The following NAALADL2 variants were observed in gnomAD, a reference collection of about 807,000 sequenced individuals.
The protein encoded by NAALADL2 is N-acetylated alpha-linked acidic dipeptidase like 2, also known as inactive N-acetylated-alpha-linked acidic dipeptidase-like protein 2.
Under a neutral mutation model 87.2 loss-of-function variants are expected in NAALADL2, and 76 were observed. The ratio of observed to expected loss-of-function variants is 0.87; its 90% CI spans 0.72 to 1.05. The LOEUF is 1.05. Among genes scored for constraint, NAALADL2 ranks in the 50% least tolerant of loss-of-function variants. The pLI, the probability that NAALADL2 is intolerant of heterozygous loss-of-function variation, is 0.00. For synonymous variants in NAALADL2, 354 were observed against 331.0 expected, an observed-to-expected ratio of 1.07 and a Z score of -0.75; for missense variants, 1,089 against 945.8, an observed-to-expected ratio of 1.15 and a Z score of -1.99.
intron 2 of NAALADL2, among the ~76,000 whole-genome samples, chr3:175,105,005 T>C (rs936942242): frequency 1.3e-5 from 2 of 152,158 alleles, no homozygotes; most frequent in Admixed American, 1.3e-4. Context: ...TCCTTAGGTA[T>C]TTGGCTAAAG....
At chr3:175,665,238 C>A (rs1732797252) in intron 11 of NAALADL2, among the ~76,000 whole-genome samples, 1 of 152,172 alleles carries the variant, frequency 6.6e-6, no homozygotes, top group Non-Finnish European at 1.5e-5. Context: ...CAAACAGTTA[C>A]AAGGCTGTAT....
chr3:174,928,607 A>G (rs1736433913), intron 1 of NAALADL2, among the ~76,000 whole-genome samples: 1 of 152,236 alleles, frequency 6.6e-6, no homozygotes, highest in Non-Finnish European at 1.5e-5. Flanking sequence ...GTGATATACA[A>G]CTTTATTTTC....
chr3:174,868,528 C>T (rs1009125324), intron 1 of NAALADL2, among the ~76,000 whole-genome samples: 3 of 151,988 alleles, frequency 2.0e-5, no homozygotes, highest in African/African-American at 7.2e-5. Context: ...TATTGTTATC[C>T]ATCATCATAG....
At chr3:174,998,672 CT>C (rs945538783) in intron 1 of NAALADL2, among the ~76,000 whole-genome samples, 39 of 152,270 alleles carry the variant, frequency 2.6e-4, no homozygotes, top group African/African-American at 9.1e-4. Flanking sequence ...GAGTCAGATT[CT>C]TTTATAGTAC....
intron 1 of NAALADL2, among the ~76,000 whole-genome samples, chr3:174,936,942 A>G (rs1157937324): frequency 6.6e-6 from 1 of 152,140 alleles, no homozygotes; most frequent in Admixed American, 6.6e-5. Context: ...CACATAAGCC[A>G]AAATGGATCA....
At position 174,563,456 on chromosome 3, in the gene NAALADL2, G is replaced by A. The variant is rs572970224; in HGVS notation, c.-115+12819G>A. On this transcript the variant is annotated intron_variant, in intron 2 of 3. Coordinates refer to the NAALADL2 transcript ENST00000434257. ...CTCAAATCATACTCTTAAAAATGTG[G>A]GAATTTTTATTGTGAAGAGTAGAAA... Among the ~76,000 whole-genome samples, 13 of 150,672 alleles carry A rather than the reference G, an allele frequency of 8.6e-5. No homozygotes were observed. The South Asian group carries it at 2.8e-3, about 32-fold the overall frequency.
chr3:175,619,666 A>G (rs1056869424), intron 10 of NAALADL2, among the ~76,000 whole-genome samples: 2 of 151,744 alleles, frequency 1.3e-5, no homozygotes, highest in African/African-American at 4.8e-5. Context: ...TGCACATTCT[A>G]CTCAGTTATA....
At chr3:174,558,212 C>A (rs1383119803) in intron 2 of NAALADL2, among the ~76,000 whole-genome samples, 1 of 152,226 alleles carries the variant, frequency 6.6e-6, no homozygotes, top group African/African-American at 2.4e-5. Context: ...CAAGGGATAG[C>A]AATTAGGCCT....
chr3:174,707,468 A>G (rs1257805975), intron 2 of NAALADL2, among the ~76,000 whole-genome samples: 1 of 152,104 alleles, frequency 6.6e-6, no homozygotes, highest in East Asian at 1.9e-4. Flanking sequence ...ATGCAGCCAT[A>G]AAAAAGGATG....
At chr3:175,148,091 GATA>G (rs777779002) in intron 2 of NAALADL2, among the ~76,000 whole-genome samples, 1,769 of 110,718 alleles carry the variant, frequency 0.016, 24 homozygotes, top group African/African-American at 0.028. Flanking sequence ...TAATGATAAT[GATA>G]ATAATAATAA....
chr3:175,370,624 G>A (rs1332784793), intron 5 of NAALADL2, among the ~76,000 whole-genome samples: 1 of 152,144 alleles, frequency 6.6e-6, no homozygotes, highest in Admixed American at 6.5e-5. Context: ...CTCTACATGT[G>A]TAGCTTTGAG....
intron 6 of NAALADL2, among the ~76,000 whole-genome samples, chr3:175,447,896 T>C (rs1344712572): frequency 6.6e-6 from 1 of 152,198 alleles, no homozygotes; most frequent in South Asian, 2.1e-4. Flanking sequence ...CTGAAGTAGT[T>C]AAGCTACCTG....
chr3:174,819,883 C>G (rs760042505), intron 3 of NAALADL2, among the ~76,000 whole-genome samples: 1 of 151,996 alleles, frequency 6.6e-6, no homozygotes, highest in Non-Finnish European at 1.5e-5. Flanking sequence ...GAAATTTTTT[C>G]AAATTTGAAA....
At chr3:175,603,118 T>C (rs1443613654) in intron 10 of NAALADL2, among the ~76,000 whole-genome samples, 1 of 152,214 alleles carries the variant, frequency 6.6e-6, no homozygotes, top group East Asian at 1.9e-4. Flanking sequence ...ATGTCTTTCA[T>C]CTAATCTACT....
At chr3:175,285,534 G>A (rs1754875162) in intron 4 of NAALADL2, among the ~76,000 whole-genome samples, 3 of 152,136 alleles carry the variant, frequency 2.0e-5, no homozygotes, top group Non-Finnish European at 2.9e-5. Flanking sequence ...ACCTGATAGT[G>A]TGACTCATTC....
chr3:175,633,536 G>A (rs1341948038), intron 11 of NAALADL2, among the ~76,000 whole-genome samples: 1 of 151,778 alleles, frequency 6.6e-6, no homozygotes, highest in African/African-American at 2.4e-5. Context: ...TATATTATGG[G>A]ATAGGTAGTA....
chr3:175,340,532 G>T (rs1390506898), intron 5 of NAALADL2, among the ~76,000 whole-genome samples: 1 of 152,144 alleles, frequency 6.6e-6, no homozygotes, highest in African/African-American at 2.4e-5. Context: ...GATCAAGTTG[G>T]ACAGCTCCTT....
chr3:175,439,667 A>G (rs1453229355), intron 5 of NAALADL2, among the ~76,000 whole-genome samples: 1 of 141,974 alleles, frequency 7.0e-6, no homozygotes, highest in African/African-American at 2.6e-5. Context: ...TCATATTGTT[A>G]GCCTACTTTT....
At chr3:174,763,141 T>TA (rs11391398) in intron 3 of NAALADL2, among the ~76,000 whole-genome samples, 2,053 of 148,470 alleles carry the variant, frequency 0.014, 52 homozygotes, top group African/African-American at 0.049. Flanking sequence ...CTTATTTTAC[T>TA]AAAAAAAAAA....
Sources: gnomAD v4.1 joint callset for allele counts (sites outside exome capture counted in the v4.1 genomes callset) on GRCh38, gnomAD v4.1.1 for gene constraint, MANE v1.5 for transcripts, NCBI Gene and HGNC (gene_info 2026-07-23, HGNC 2026-07-21) for gene names.